The following ZNF563 variants were observed in gnomAD, a reference collection of about 807,000 sequenced individuals.
ZNF563 encodes zinc finger protein 563.
ZNF563 carries 39 observed loss-of-function variants against 48.5 expected under a neutral mutation model. The ratio of observed to expected loss-of-function variants is 0.80; its 90% CI spans 0.62 to 1.05. The LOEUF (loss-of-function observed/expected upper bound fraction) is 1.05, where lower values mean the gene tolerates loss of function less well. ZNF563 is among the 50% of genes least tolerant of loss of function. The pLI, the probability that ZNF563 is intolerant of heterozygous loss-of-function variation, is 0.00. For synonymous variants in ZNF563, 168 were observed against 187.9 expected (o/e 0.89, Z 0.87); for missense variants, 538 against 597.0 (o/e 0.90, Z 1.03).
intron 1 of ZNF563, among the ~76,000 whole-genome samples, chr19:12,331,839 C>T (rs1015548471): frequency 3.3e-5 from 5 of 152,168 alleles, no homozygotes; most frequent in African/African-American, 1.2e-4. Context: ...TGGTGGTTTC[C>T]AAAGGGGAAC....
chr19:12,334,719 A>C (rs546618862), upstream of ZNF563, among the ~76,000 whole-genome samples: 12 of 152,080 alleles, frequency 7.9e-5, no homozygotes, highest in African/African-American at 2.9e-4. Context: ...AAATACAAAA[A>C]TTAGCTGGGC....
Position 12,319,495 on chromosome 19 carries a change from G to T in ZNF563, c.530C>A (p.Thr177Asn), listed in dbSNP as rs749149553. Reference protein sequence around the residue: ...KRYECKECGKTFSSRRNLRRH... With the variant: ...KRYECKECGKNFSSRRNLRRH... ...TCGAAGGTTTCTACGAGAACTGAAG[G>T]TTTTTCCACATTCCTTACACTCATA... is the stretch of plus-strand genomic sequence containing the variant. The change falls in exon 4 of 4, where the codon ACC becomes AAC. Residue 177 changes from threonine (T) to asparagine (N), a missense_variant. Thr to Asn is a moderately conservative substitution (Grantham distance 65). Coordinates refer to ENST00000293725, the MANE Select transcript of ZNF563 (RefSeq NM_145276.3). 174 of 1,614,028 alleles carry T rather than the reference G, an allele frequency of 1.1e-4. No homozygotes were observed. Among genetic ancestry groups the T allele is most frequent in the Non-Finnish European group, 1.4e-4 (169 of 1,180,028 alleles).
the ZNF563 span, among the ~76,000 whole-genome samples, chr19:12,342,274 T>A: frequency 1.3e-5 from 2 of 152,066 alleles, no homozygotes; most frequent in Non-Finnish European, 2.9e-5. Flanking sequence ...TACCTGGGTG[T>A]CCCAAAGTGT....
chr19:12,322,331 G>C (rs948727612), intron 2 of ZNF563, among the ~76,000 whole-genome samples: 2 of 152,176 alleles, frequency 1.3e-5, no homozygotes, highest in Non-Finnish European at 2.9e-5. Flanking sequence ...TGGGATTACA[G>C]GTGTGAGCCA....
chr19:12,338,390 G>T (rs1969040239), upstream of ZNF563, among the ~76,000 whole-genome samples: 1 of 152,142 alleles, frequency 6.6e-6, no homozygotes, highest in South Asian at 2.1e-4. Flanking sequence ...TGGGATTACA[G>T]GTGTGTACCA....
At chr19:12,343,725 CTTTTT>C in the ZNF563 span, among the ~76,000 whole-genome samples, 2 of 110,882 alleles carry the variant, frequency 1.8e-5, no homozygotes, top group African/African-American at 3.7e-5. Flanking sequence ...AGCATAAATT[CTTTTT>C]TTTTTTTTTT....
In ZNF563 at chr19:12,331,369, C is replaced by G. The variant is rs528271669; in HGVS notation, c.3+2111G>C. On this transcript the variant is annotated intron_variant, in intron 1 of 3. Transcript: ENST00000293725. Reference sequence around the variant, plus strand: ...AGTGCTCAGTGACTACTCCCTACCCCCAACCACCAGATACCGCACTGTGTA... The same window carrying G: ...AGTGCTCAGTGACTACTCCCTACCCGCAACCACCAGATACCGCACTGTGTA... Among the ~76,000 whole-genome samples the G allele has an allele frequency of 2.0e-5, 3 of 152,232 alleles. 1 individual carries two copies. Among genetic ancestry groups the G allele is most frequent in the African/African-American group, 4.8e-5 (2 of 41,538 alleles).
At chr19:12,342,344 G>A in the ZNF563 span, among the ~76,000 whole-genome samples, 1 of 151,392 alleles carries the variant, frequency 6.6e-6, no homozygotes, top group African/African-American at 2.4e-5. Context: ...CAAATACAGT[G>A]AAATAAAACT....
chr19:12,338,475 C>T (rs998288074), upstream of ZNF563, among the ~76,000 whole-genome samples: 3 of 152,140 alleles, frequency 2.0e-5, no homozygotes, highest in African/African-American at 7.2e-5. Flanking sequence ...TCTTGGACTC[C>T]TGAACTCAAG....
At chr19:12,334,448 G>A (rs574918091), upstream of ZNF563, among the ~76,000 whole-genome samples, 2 of 152,276 alleles carry the variant, frequency 1.3e-5, no homozygotes, top group East Asian at 3.9e-4. Flanking sequence ...AAAACCTGGT[G>A]ATGAGACTGG....
rs1968664159 is a variant in ZNF563, at chr19:12,322,651, C to T, written c.64G>A (p.Gly22Ser). Reference sequence around the variant, plus strand: ...CTGTATAAATTCTTCTGTGATGGACCCAGCAAAGCCCATTCCTCCTGGGTG... The same window carrying T: ...CTGTATAAATTCTTCTGTGATGGACTCAGCAAAGCCCATTCCTCCTGGGTG... Reference protein sequence around the residue: ...NFTQEEWALLGPSQKNLYRYV... With the variant: ...NFTQEEWALLSPSQKNLYRYV... The change falls in exon 2 of 4, where the codon GGT becomes AGT. Residue 22 changes from glycine to serine, a missense_variant. Transcript: ENST00000293725. 6.2e-7 allele frequency: 1 copy of T among 1,609,950 alleles called. No homozygotes were observed.
At chr19:12,333,181 C>T (rs1427626453) in intron 1 of ZNF563, among the ~76,000 whole-genome samples, 1 of 152,222 alleles carries the variant, frequency 6.6e-6, no homozygotes. Flanking sequence ...CATGACCCTT[C>T]CGTGACCCTC....
chr19:12,332,051 A>G (rs1018792215), intron 1 of ZNF563, among the ~76,000 whole-genome samples: 2 of 152,156 alleles, frequency 1.3e-5, no homozygotes, highest in South Asian at 2.1e-4. Flanking sequence ...CTACCTGGGG[A>G]AAAAAATGAC....
In ZNF563 at chr19:12,322,618, T is replaced by C; in HGVS notation, c.97A>G (p.Met33Val). 1 of 1,607,838 alleles carries C rather than the reference T, an allele frequency of 6.2e-7. No homozygotes were observed. The highest frequency in any genetic ancestry group is 8.5e-7 in the Non-Finnish European group (1 of 1,176,570). Residue 33 changes from methionine (M) to valine (V), a missense_variant, in exon 2 of 4, where the codon ATG (methionine) becomes GTG (valine). By Grantham distance (21) the Met-to-Val change is conservative. Coordinates refer to ENST00000293725, the MANE Select transcript of ZNF563 (RefSeq NM_145276.3). ...PSQKNLYRYV[M>V]QETIRNLDCI... ...TCCAGGTTCCTGATGGTTTCTTGCATCACATATCTGTATAAATTCTTCTGT... is the reference window on the plus strand; with the variant it reads ...TCCAGGTTCCTGATGGTTTCTTGCACCACATATCTGTATAAATTCTTCTGT...
At chr19:12,334,571 G>A (rs1421386693), upstream of ZNF563, among the ~76,000 whole-genome samples, 2 of 152,136 alleles carry the variant, frequency 1.3e-5, no homozygotes, top group Admixed American at 6.5e-5. Context: ...AAAGTTTCAT[G>A]TAAAGTTAGT....
Position 12,317,711 on chromosome 19 carries a change from C to G in ZNF563, c.*883G>C, listed in dbSNP as rs1413280033. 1.3e-5 allele frequency: 2 copies of G among 152,004 alleles called. No individual in the cohort carries two copies. Among genetic ancestry groups the G allele is most frequent in the Non-Finnish European group, 2.9e-5 (2 of 67,978 alleles). 9.4% of individuals were successfully genotyped at this position (152,004 alleles called of 1,614,324 possible). A position where few individuals can be genotyped will look rare whatever the true frequency, so the allele number is the denominator to read the frequency against. On this transcript the variant is annotated 3_prime_UTR_variant, in exon 4 of 4. Coordinates refer to ENST00000293725, the MANE Select transcript of ZNF563 (RefSeq NM_145276.3). ...TTGGCATGTGTCGATTTATGTATGCCCAGGGGGTGGTAGAACCACGCTCCT... is the reference window on the plus strand; with the variant it reads ...TTGGCATGTGTCGATTTATGTATGCGCAGGGGGTGGTAGAACCACGCTCCT...
intron 3 of ZNF563, 143 bp from the exon 4 acceptor site, chr19:12,319,976 G>C: frequency 1.3e-6 from 1 of 744,350 alleles, no homozygotes; most frequent in Non-Finnish European, 2.1e-6. Flanking sequence ...GAGTGCAGCG[G>C]CACGATCTCG....
chr19:12,324,488 T>C (rs1258273897), intron 1 of ZNF563, among the ~76,000 whole-genome samples: 1 of 151,868 alleles, frequency 6.6e-6, no homozygotes, highest in Non-Finnish European at 1.5e-5. Context: ...GTGGCTGAGG[T>C]GGGCGGATCA....
upstream of ZNF563, among the ~76,000 whole-genome samples, chr19:12,336,703 T>G (rs549665151): frequency 3.9e-5 from 6 of 152,360 alleles, no homozygotes; most frequent in African/African-American, 1.4e-4. Flanking sequence ...AAACAACTAA[T>G]TAAATGTGAG....
Sources: gnomAD v4.1 joint callset for allele counts (sites outside exome capture counted in the v4.1 genomes callset) on GRCh38, gnomAD v4.1.1 for gene constraint, MANE v1.5 for transcripts, NCBI Gene and HGNC (gene_info 2026-07-23, HGNC 2026-07-21) for gene names.